NFATC3: variants seen among roughly 807,000 people sequenced by gnomAD.
NFATC3 encodes nuclear factor of activated T-cells, cytoplasmic 3.
NFATC3 carries 46 observed loss-of-function variants against 98.6 expected under a neutral mutation model. The observed-to-expected ratio is 0.47, with a 90% CI of 0.37 to 0.60. The LOEUF (loss-of-function observed/expected upper bound fraction) is 0.60. Among genes scored for constraint, NFATC3 ranks in the 20% least tolerant of loss-of-function variants. The probability of loss-of-function intolerance (pLI) is 0.00; values close to 1 mark genes in which losing one functional copy is unlikely to be tolerated. For synonymous variants in NFATC3, 512 were observed against 472.2 expected, an observed-to-expected ratio of 1.08 and a Z score of -1.09; for missense variants, 1,256 against 1,295.5, an observed-to-expected ratio of 0.97 and a Z score of 0.47.
At chr16:68,222,715 T>G (rs1258016332) in intron 9 of NFATC3, among the ~76,000 whole-genome samples, 6 of 152,228 alleles carry the variant, frequency 3.9e-5, no homozygotes, top group Non-Finnish European at 8.8e-5. Context: ...TAGGGTCCAT[T>G]TATTTAGTCA....
chr16:68,130,374 G>A (rs956620158), intron 3 of NFATC3, among the ~76,000 whole-genome samples: 5 of 152,054 alleles, frequency 3.3e-5, no homozygotes, highest in African/African-American at 9.6e-5. Context: ...ATCTCATTGT[G>A]GTTTTGATTT....
intron 1 of NFATC3, among the ~76,000 whole-genome samples, chr16:68,121,251 T>C (rs1387061261): frequency 1.4e-5 from 2 of 147,462 alleles, no homozygotes; most frequent in Non-Finnish European, 3.0e-5. Flanking sequence ...TCTTTTTTTT[T>C]TTTTTTTTTT....
intron 1 of NFATC3, among the ~76,000 whole-genome samples, chr16:68,106,026 G>A (rs758606951): frequency 2.6e-5 from 4 of 151,722 alleles, no homozygotes; most frequent in Non-Finnish European, 4.4e-5. Context: ...TTACCACCAC[G>A]CCAGGCTAAC....
intron 5 of NFATC3, among the ~76,000 whole-genome samples, chr16:68,171,502 C>T (rs1345454394): frequency 7.4e-5 from 11 of 149,390 alleles, no homozygotes; most frequent in Non-Finnish European, 1.0e-4. Flanking sequence ...GAGACAGAGT[C>T]TCACTCTGTT....
chr16:68,197,118 A>G (rs868671524), intron 9 of NFATC3, among the ~76,000 whole-genome samples: 1 of 151,442 alleles, frequency 6.6e-6, no homozygotes. Context: ...ATTTTTTTTT[A>G]TTTTTTGTAG....
At chr16:68,109,182 C>T (rs939227697) in intron 1 of NFATC3, among the ~76,000 whole-genome samples, 6 of 152,114 alleles carry the variant, frequency 3.9e-5, no homozygotes, top group African/African-American at 1.2e-4. Flanking sequence ...TCAGCTTTTG[C>T]GTATCCAGTA....
At chr16:68,164,405 GGGGAGAGGGAGA>G (rs563054345) in intron 4 of NFATC3, among the ~76,000 whole-genome samples, 1 of 152,188 alleles carries the variant, frequency 6.6e-6, no homozygotes, top group African/African-American at 2.4e-5. Flanking sequence ...GGGAGACCGT[GGGGAGAGGGAGA>G]GGGAGAGGGA....
chr16:68,098,454 A>G (rs1448826652), intron 1 of NFATC3, among the ~76,000 whole-genome samples: 1 of 151,786 alleles, frequency 6.6e-6, no homozygotes, highest in East Asian at 1.9e-4. Context: ...GGCACACGCC[A>G]CCATGCCCGG....
At position 68,122,429 on chromosome 16, in the gene NFATC3, T is replaced by C. The variant is rs2151502488; in HGVS notation, c.546T>C (p.Cys182=). 6.2e-7 allele frequency: 1 copy of C among 1,614,156 alleles called. No individual in the cohort carries two copies. Among genetic ancestry groups the C allele is most frequent in the East Asian group, 2.2e-5 (1 of 44,880 alleles). ...GTTGGTTCTCTGATGCATCTTCTTGTGAATCGCTTTCACATATTTATGATG... is the reference window on the plus strand; with the variant it reads ...GTTGGTTCTCTGATGCATCTTCTTGCGAATCGCTTTCACATATTTATGATG... ...SRSWFSDASS[C]ESLSHIYDDV... The change falls in exon 2 of 10, where the codon TGT becomes TGC. Residue 182 remains cysteine, a synonymous_variant. Coordinates refer to ENST00000346183, the MANE Select transcript of NFATC3 (RefSeq NM_173165.3).
chr16:68,146,771 C>G (rs539634529), intron 3 of NFATC3, among the ~76,000 whole-genome samples: 1 of 152,330 alleles, frequency 6.6e-6, no homozygotes, highest in South Asian at 2.1e-4. Flanking sequence ...AGGCACAGAC[C>G]TTTGCTATGG....
chr16:68,165,992 A>G (rs910217589), intron 4 of NFATC3, among the ~76,000 whole-genome samples: 1 of 152,260 alleles, frequency 6.6e-6, no homozygotes, highest in Non-Finnish European at 1.5e-5. Flanking sequence ...ATGAAATGTT[A>G]TACCTTAAAT....
chr16:68,196,667 C>G (rs995371509), intron 9 of NFATC3, among the ~76,000 whole-genome samples: 1 of 151,428 alleles, frequency 6.6e-6, no homozygotes, highest in African/African-American at 2.4e-5. Context: ...GCGCTCCAGC[C>G]TGGGTGACAG....
intron 5 of NFATC3, among the ~76,000 whole-genome samples, chr16:68,170,248 G>A (rs1230729398): frequency 6.6e-6 from 1 of 151,456 alleles, no homozygotes; most frequent in East Asian, 2.0e-4. Flanking sequence ...AAAATTAGAT[G>A]GGCGTGGTGG....
Position 68,158,018 on chromosome 16 carries a change from T to G in NFATC3, c.1551T>G (p.Ser517Arg), listed in dbSNP as rs1268771195. ...ATASQEIIIA[S>R]TKVLEIPLLP... ...CAAGCCAAGAGATAATAATTGCCAGTACAAAAGTTCTGGAAATTCCACTTC... is the reference window on the plus strand; with the variant it reads ...CAAGCCAAGAGATAATAATTGCCAGGACAAAAGTTCTGGAAATTCCACTTC... Residue 517 changes from serine (S) to arginine (R), a missense_variant, in exon 4 of 10, where the codon AGT becomes AGG. By Grantham distance (110) the Ser-to-Arg change is moderately radical. Coordinates refer to ENST00000346183, the MANE Select transcript of NFATC3 (RefSeq NM_173165.3). 1.2e-6 allele frequency: 2 copies of G among 1,613,622 alleles called. No homozygotes were observed.
At chr16:68,184,441 T>C (rs908407495) in intron 8 of NFATC3, among the ~76,000 whole-genome samples, 3 of 152,170 alleles carry the variant, frequency 2.0e-5, no homozygotes, top group Non-Finnish European at 4.4e-5. Flanking sequence ...TGGCATGAAG[T>C]GTCCTGTTGT....
chr16:68,215,282 A>C (rs1304883347), intron 9 of NFATC3, among the ~76,000 whole-genome samples: 4 of 152,176 alleles, frequency 2.6e-5, no homozygotes, highest in African/African-American at 9.7e-5. Flanking sequence ...TTCTTGTCCA[A>C]CCATGAGAGG....
chr16:68,085,809 G>A (rs1270147332), intron 1 of NFATC3, 25 bp downstream of exon 1: 3 of 1,404,476 alleles, frequency 2.1e-6, no homozygotes, highest in Non-Finnish European at 1.8e-6. Context: ...AGGCGGGACC[G>A]TGGAGCGACC....
At chr16:68,184,718 G>A (rs1466410060) in intron 8 of NFATC3, among the ~76,000 whole-genome samples, 1 of 151,898 alleles carries the variant, frequency 6.6e-6, no homozygotes, top group East Asian at 1.9e-4. Flanking sequence ...GCAGGAGAAT[G>A]GCGTGAACCC....
Position 68,162,749 on chromosome 16 carries a change from AT to A in NFATC3, c.1602-4081del, listed in dbSNP as rs879696380. ...GCAAAGATCAAAGAACATGTTGATC[AT>A]TTTTTTTTTTTTAATTGATCATTCT... is the stretch of plus-strand genomic sequence containing the variant. On this transcript the variant is annotated intron_variant, in intron 4 of 9. Coordinates refer to ENST00000346183, the MANE Select transcript of NFATC3 (RefSeq NM_173165.3). Among the ~76,000 whole-genome samples the A allele has an allele frequency of 5.4e-3, 789 of 145,974 alleles. 2 individuals are homozygous for A. The highest frequency in any genetic ancestry group is 0.012 in the African/African-American group (496 of 40,082).
Sources: allele counts gnomAD v4.1 joint callset (sites outside exome capture counted in the v4.1 genomes callset), GRCh38; gene constraint gnomAD v4.1.1; transcripts MANE v1.5; gene names NCBI Gene and HGNC (gene_info 2026-07-23, HGNC 2026-07-21).